The following ZFP1 variants were observed in gnomAD, a reference collection of about 807,000 sequenced individuals.
ZFP1 encodes zinc finger protein 1 homolog.
A neutral mutation model predicts 38.5 loss-of-function variants in ZFP1; 32 were observed. That is an observed-to-expected ratio of 0.83 (90% CI 0.63 to 1.12). The LOEUF (loss-of-function observed/expected upper bound fraction) is 1.12, where lower values mean the gene tolerates loss of function less well. Ranked by LOEUF, ZFP1 falls within the 50% of genes most tolerant of loss-of-function variation. The pLI is 0.00. For synonymous variants in ZFP1, 245 were observed against 168.8 expected (o/e 1.45, Z -3.50); for missense variants, 616 against 480.8 (o/e 1.28, Z -2.63).
the ZFP1 span, among the ~76,000 whole-genome samples, chr16:75,121,782 C>T: frequency 6.6e-6 from 1 of 152,064 alleles, no homozygotes; most frequent in African/African-American, 2.4e-5. Flanking sequence ...GGAAAAAAGA[C>T]TCGTCAAATA....
chr16:75,170,206 A>T lies in ZFP1; in HGVS notation c.1096A>T (p.Thr366Ser), dbSNP rs1361491475. The T allele has an allele frequency of 3.1e-6, 5 of 1,614,124 alleles. No individual in the cohort carries two copies. Among genetic ancestry groups the T allele is most frequent in the Non-Finnish European group, 4.2e-6 (5 of 1,180,020 alleles). ...CGGCAAAACTTTCAGCCAGAGGTCA[A>T]CTCTTAGATTACACTTGCGAATCCA... is the stretch of plus-strand genomic sequence containing the variant. ...ECGKTFSQRS[T>S]LRLHLRIHTG... The change falls in exon 4 of 4, where the codon ACT becomes TCT. Residue 366 changes from threonine to serine, a missense_variant. Thr to Ser is a moderately conservative substitution (Grantham distance 58). Transcript: ENST00000570010.
At chr16:75,159,066 T>G (rs562544714) in intron 2 of ZFP1, among the ~76,000 whole-genome samples, 2 of 152,112 alleles carry the variant, frequency 1.3e-5, no homozygotes, top group Admixed American at 1.3e-4. Flanking sequence ...CCAGCTAATT[T>G]TTGTATTTTT....
At chr16:75,149,557 C>CTTTTTTTTT (rs34371791) in intron 1 of ZFP1, among the ~76,000 whole-genome samples, 33 of 101,764 alleles carry the variant, frequency 3.2e-4, no homozygotes, top group Non-Finnish European at 4.5e-4. Flanking sequence ...TCTTTACTTT[C>CTTTTTTTTT]TTTTTTTTTT....
chr16:75,168,270 C>T (rs965987694), intron 3 of ZFP1, among the ~76,000 whole-genome samples: 2 of 152,202 alleles, frequency 1.3e-5, no homozygotes, highest in Non-Finnish European at 2.9e-5. Flanking sequence ...AACAGTGTAT[C>T]TTAGCCTTGC....
chr16:75,149,557 CTTTTTTTTTTTT>C (rs34371791), intron 1 of ZFP1, among the ~76,000 whole-genome samples: 1 of 101,766 alleles, frequency 9.8e-6, no homozygotes, highest in Non-Finnish European at 1.9e-5. Flanking sequence ...TCTTTACTTT[CTTTTTTTTTTTT>C]TTTTTTTTGA....
At chr16:75,167,128 T>C (rs1217018818) in intron 3 of ZFP1, among the ~76,000 whole-genome samples, 1 of 152,216 alleles carries the variant, frequency 6.6e-6, no homozygotes, top group Non-Finnish European at 1.5e-5. Context: ...TCAAGCCATA[T>C]GCAATTTTCA....
At chr16:75,129,992 G>T in the ZFP1 span, among the ~76,000 whole-genome samples, 2 of 151,986 alleles carry the variant, frequency 1.3e-5, no homozygotes, top group Non-Finnish European at 2.9e-5. Context: ...TTGACTTGTG[G>T]TTTTTTTGTT....
chr16:75,166,671 A>T (rs1239065418), intron 2 of ZFP1, 99 bp from the exon 3 acceptor site: 1 of 1,594,896 alleles, frequency 6.3e-7, no homozygotes, highest in Non-Finnish European at 8.5e-7. Context: ...TCGTTGGTGT[A>T]ATATATAGAT....
At chr16:75,126,792 T>C in the ZFP1 span, among the ~76,000 whole-genome samples, 3 of 152,236 alleles carry the variant, frequency 2.0e-5, no homozygotes, top group Admixed American at 2.0e-4. Context: ...CTTTCCAAGA[T>C]AAAATTATAA....
At chr16:75,128,248 GAGA>G in the ZFP1 span, among the ~76,000 whole-genome samples, 2 of 152,176 alleles carry the variant, frequency 1.3e-5, no homozygotes, top group Non-Finnish European at 2.9e-5. Flanking sequence ...ACCTCAAGAG[GAGA>G]AGAATTTACC....
At chr16:75,166,187 CAATG>C (rs1364966182) in intron 2 of ZFP1, among the ~76,000 whole-genome samples, 6 of 152,138 alleles carry the variant, frequency 3.9e-5, no homozygotes, top group African/African-American at 1.4e-4. Context: ...ACACTGGTAA[CAATG>C]AATATCTAAT....
intron 2 of ZFP1, among the ~76,000 whole-genome samples, chr16:75,161,071 T>C (rs1037068884): frequency 6.6e-6 from 1 of 152,074 alleles, no homozygotes; most frequent in Non-Finnish European, 1.5e-5. Flanking sequence ...TTTTAATTTA[T>C]TTAATTAATT....
chr16:75,122,139 T>C, the ZFP1 span, among the ~76,000 whole-genome samples: 1 of 152,218 alleles, frequency 6.6e-6, no homozygotes, highest in East Asian at 1.9e-4. Flanking sequence ...AAGGTGCCCC[T>C]CGCAGATGAA....
chr16:75,157,770 A>G (rs1245325465), intron 2 of ZFP1, among the ~76,000 whole-genome samples: 1 of 152,004 alleles, frequency 6.6e-6, no homozygotes, highest in East Asian at 1.9e-4. Context: ...TGATAAAAAT[A>G]AAGCCATACC....
At chr16:75,126,336 G>C in the ZFP1 span, 20 of 151,914 alleles carry the variant, frequency 1.3e-4, no homozygotes, top group African/African-American at 4.8e-4. Context: ...TTTTAGTAGA[G>C]ACAGGTTTTC....
At chr16:75,138,782 G>A in the ZFP1 span, among the ~76,000 whole-genome samples, 1 of 152,192 alleles carries the variant, frequency 6.6e-6, no homozygotes, top group Non-Finnish European at 1.5e-5. Flanking sequence ...TGCCCCCTGC[G>A]GCTTTCAGCA....
upstream of ZFP1, among the ~76,000 whole-genome samples, chr16:75,146,637 G>A (rs1022611382): frequency 1.3e-5 from 2 of 152,124 alleles, no homozygotes; most frequent in Non-Finnish European, 2.9e-5. Flanking sequence ...AGAATATTAT[G>A]CAGCACTAAA....
At chr16:75,150,892 A>C (rs1360970379) in intron 1 of ZFP1, among the ~76,000 whole-genome samples, 1 of 152,156 alleles carries the variant, frequency 6.6e-6, no homozygotes, top group African/African-American at 2.4e-5. Context: ...TGGTTCAGTC[A>C]CAGCTGTCTG....
rs557335707 is a variant in ZFP1 at position 75,161,315 on chromosome 16, C to T, written c.16-5455C>T. On this transcript the variant is annotated intron_variant, in intron 2 of 3. Transcript: ENST00000570010. ...AACTCCTGGCTACAAGTGATCTCCC[C>T]GCCTCGGCCTCTCAAAGTGCTGGGA... Among the ~76,000 whole-genome samples, 136 of 151,876 alleles carry T rather than the reference C, an allele frequency of 9.0e-4. 1 individual carries two copies. Among genetic ancestry groups the T allele is most frequent in the South Asian group, 4.6e-3 (22 of 4,812 alleles).
Sources: allele counts gnomAD v4.1 joint callset (sites outside exome capture counted in the v4.1 genomes callset), GRCh38; gene constraint gnomAD v4.1.1; transcripts MANE v1.5; gene names NCBI Gene and HGNC (gene_info 2026-07-23, HGNC 2026-07-21).